The following SLC67A2 variants were observed in gnomAD, a reference collection of about 807,000 sequenced individuals.
SLC67A2 encodes the protein solute carrier family 67 member A2.
chr2:102,727,789 A>G, the SLC67A2 span, among the ~76,000 whole-genome samples: 1 of 152,220 alleles, frequency 6.6e-6, no homozygotes, highest in South Asian at 2.1e-4. Context: ...TGTAATTAGA[A>G]CAGTAACAGT....
At chr2:102,720,559 A>G in the SLC67A2 span, among the ~76,000 whole-genome samples, 1 of 148,540 alleles carries the variant, frequency 6.7e-6, no homozygotes, top group Non-Finnish European at 1.5e-5. Flanking sequence ...GACAAGGTCT[A>G]TGCAATCCTA....
chr2:102,736,414 G>A, the SLC67A2 span: 1 of 1,184,430 alleles, frequency 8.4e-7, no homozygotes, highest in Non-Finnish European at 1.1e-6. Flanking sequence ...AAGGGAAGAC[G>A]TTCCGCGAAC....
chr2:102,718,661 A>C, the SLC67A2 span: 67 of 1,613,784 alleles, frequency 4.2e-5, no homozygotes, highest in Non-Finnish European at 5.7e-5. Context: ...GAGGTCCGTG[A>C]TGCACGTCCT....
At chr2:102,721,196 C>T in the SLC67A2 span, among the ~76,000 whole-genome samples, 2 of 152,218 alleles carry the variant, frequency 1.3e-5, no homozygotes, top group African/African-American at 4.8e-5. Context: ...AATTCCATAA[C>T]CAATTCCTTT....
chr2:102,726,788 T>A, the SLC67A2 span: 1 of 1,505,866 alleles, frequency 6.6e-7, no homozygotes, highest in South Asian at 1.3e-5. Context: ...CAGTTTCACA[T>A]ATTGAGGTTC....
chr2:102,728,722 A>G, the SLC67A2 span, among the ~76,000 whole-genome samples: 1 of 152,170 alleles, frequency 6.6e-6, no homozygotes, highest in African/African-American at 2.4e-5. Flanking sequence ...TTTGGGCTCA[A>G]CGCTGAACTC....
At chr2:102,718,509 C>A in the SLC67A2 span, 9 of 1,613,988 alleles carry the variant, frequency 5.6e-6, no homozygotes, top group South Asian at 9.9e-5. Flanking sequence ...GCTAACACAG[C>A]GCCCAGGCTG....
At chr2:102,720,491 C>T in the SLC67A2 span, among the ~76,000 whole-genome samples, 1 of 152,186 alleles carries the variant, frequency 6.6e-6, no homozygotes, top group South Asian at 2.1e-4. Flanking sequence ...ATCTGTCCAA[C>T]CTTCCAATAT....
At chr2:102,716,509 C>T in the SLC67A2 span, 1 of 152,140 alleles carries the variant, frequency 6.6e-6, no homozygotes, top group Non-Finnish European at 1.5e-5. Flanking sequence ...CATAAAAGTT[C>T]ACAATTGTAA....
chr2:102,718,964 A>G, the SLC67A2 span: 2 of 1,614,248 alleles, frequency 1.2e-6, no homozygotes, highest in South Asian at 2.2e-5. Flanking sequence ...CATGGCCATC[A>G]GCAAGCGCAC....
At chr2:102,729,025 C>G in the SLC67A2 span, among the ~76,000 whole-genome samples, 1 of 152,098 alleles carries the variant, frequency 6.6e-6, no homozygotes, top group Admixed American at 6.5e-5. Flanking sequence ...CCAAATCTGA[C>G]AGAATATACT....
the SLC67A2 span, among the ~76,000 whole-genome samples, chr2:102,730,771 G>A: frequency 6.6e-6 from 1 of 151,966 alleles, no homozygotes; most frequent in Non-Finnish European, 1.5e-5. Context: ...GGATGGTCTC[G>A]ATCTCCTGAC....
At chr2:102,734,580 G>A in the SLC67A2 span, among the ~76,000 whole-genome samples, 2 of 151,824 alleles carry the variant, frequency 1.3e-5, no homozygotes, top group Non-Finnish European at 2.9e-5. Context: ...TTCCTTAGAT[G>A]TTACCTAACA....
chr2:102,719,475 T>A, the SLC67A2 span, among the ~76,000 whole-genome samples: 3 of 152,236 alleles, frequency 2.0e-5, no homozygotes, highest in African/African-American at 7.2e-5. Flanking sequence ...CAAAAGCCTA[T>A]GATAGTGTTC....
the SLC67A2 span, chr2:102,718,108 A>G: frequency 7.3e-6 from 2 of 274,382 alleles, no homozygotes; most frequent in Non-Finnish European, 1.4e-5. Context: ...TGTAGCTGGT[A>G]GTTTGTTTAC....
At chr2:102,731,312 GA>G in the SLC67A2 span, among the ~76,000 whole-genome samples, 4 of 151,760 alleles carry the variant, frequency 2.6e-5, no homozygotes, top group Non-Finnish European at 5.9e-5. Flanking sequence ...ACAGAAGAGA[GA>G]AAAAAGGCAA....
At chr2:102,719,028 C>A in the SLC67A2 span, 10 of 1,614,240 alleles carry the variant, frequency 6.2e-6, no homozygotes, top group African/African-American at 1.3e-5. Flanking sequence ...TTCCGCAAGG[C>A]CAACACTACT....
the SLC67A2 span, chr2:102,730,882 T>G: frequency 2.6e-6 from 2 of 755,682 alleles, no homozygotes; most frequent in Non-Finnish European, 4.4e-6. Flanking sequence ...TACATTCTTT[T>G]TGTCTGTAAA....
At chr2:102,718,974 C>T in the SLC67A2 span, 6 of 1,614,214 alleles carry the variant, frequency 3.7e-6, no homozygotes, top group Non-Finnish European at 5.1e-6. Flanking sequence ...AGCAAGCGCA[C>T]CAGAAATATG....
Sources: allele counts gnomAD v4.1 joint callset (sites outside exome capture counted in the v4.1 genomes callset), GRCh38; gene constraint gnomAD v4.1.1; transcripts MANE v1.5; gene names NCBI Gene and HGNC (gene_info 2026-07-23, HGNC 2026-07-21).